The following UGGT2 variants were observed in gnomAD, a reference collection of about 807,000 sequenced individuals.
UGGT2 encodes UDP-glucose glycoprotein glucosyltransferase 2.
In UGGT2, 180 loss-of-function variants were observed where a neutral mutation model predicts 192.1. The observed-to-expected ratio is 0.94, with a 90% CI of 0.83 to 1.06. UGGT2 has a LOEUF of 1.06. Ranked by LOEUF, UGGT2 falls within the 50% of genes least tolerant of loss-of-function variation. UGGT2 has a pLI of 0.00. For synonymous variants in UGGT2, 580 were observed against 591.0 expected, an observed-to-expected ratio of 0.98 and a Z score of 0.27; for missense variants, 1,849 against 1,795.7, an observed-to-expected ratio of 1.03 and a Z score of -0.54.
chr13:96,001,543 C>T (rs1006850658), intron 5 of UGGT2, among the ~76,000 whole-genome samples: 7 of 152,102 alleles, frequency 4.6e-5, no homozygotes, highest in Non-Finnish European at 1.0e-4. Flanking sequence ...CACACGGACG[C>T]GCATGAAACT....
intron 8 of UGGT2, among the ~76,000 whole-genome samples, chr13:95,987,007 T>C (rs1264325208): frequency 2.6e-5 from 4 of 152,150 alleles, no homozygotes; most frequent in Admixed American, 2.6e-4. Flanking sequence ...CTTAGTATTA[T>C]TACTTTGTCA....
chr13:95,955,460 T>G (rs896274068), intron 12 of UGGT2, among the ~76,000 whole-genome samples: 7 of 152,168 alleles, frequency 4.6e-5, no homozygotes, highest in African/African-American at 1.7e-4. Flanking sequence ...GGTACCTGGG[T>G]GTAGGCTGTT....
chr13:95,919,982 T>C (rs893916424), intron 20 of UGGT2, among the ~76,000 whole-genome samples: 5 of 152,176 alleles, frequency 3.3e-5, no homozygotes, highest in Admixed American at 1.3e-4. Context: ...CAAGATGGCA[T>C]TGTACTGGTA....
In UGGT2 at chr13:95,960,442, A is replaced by C. The variant is rs371329131; in HGVS notation, c.1335+9670T>G. 4.6e-5 allele frequency among the ~76,000 whole-genome samples: 7 copies of C among 152,122 alleles called. No homozygotes were observed. In the South Asian group the frequency reaches 1.5e-3, roughly 32 times the overall value. On this transcript the variant is annotated intron_variant, in intron 12 of 38. Transcript: ENST00000376747. ...TATTGAAAAGCTTCAGCAGTGGACT[A>C]AATCAAGTAGAATCAAGAATCTCAG...
chr13:96,022,943 T>C (rs972025001), intron 4 of UGGT2, 97 bp downstream of exon 4: 1 of 727,726 alleles, frequency 1.4e-6, no homozygotes, highest in Non-Finnish European at 2.0e-6. Flanking sequence ...ATATACAATG[T>C]CTTAGAATAT....
rs1402787774 is a variant in UGGT2 at position 95,853,656 on chromosome 13, C to T, written c.4171G>A (p.Ala1391Thr). The stretch of plus-strand genomic sequence containing the variant: ...TTCTTGAGATCCACTACATATAAAG[C>T]ACTGCAAAAATGAATTACTTCTTGA... ...HLLRRKYHIS[A>T]LYVVDLKKFR... The change falls in exon 36 of 39, where the codon GCT becomes ACT. Residue 1391 changes from alanine to threonine, a missense_variant and splice_region_variant. Physicochemically the swap from Ala to Thr is moderately conservative, Grantham distance 58. Transcript: ENST00000376747. 9 of 1,547,244 alleles carry T rather than the reference C, an allele frequency of 5.8e-6. No individual in the cohort carries two copies. Among genetic ancestry groups the T allele is most frequent in the Non-Finnish European group, 7.8e-6 (9 of 1,155,914 alleles).
At chr13:95,928,186 C>G (rs1311936344) in intron 17 of UGGT2, among the ~76,000 whole-genome samples, 2 of 152,210 alleles carry the variant, frequency 1.3e-5, no homozygotes, top group African/African-American at 4.8e-5. Flanking sequence ...GGGTACACCT[C>G]CCAGACGGGG....
intron 27 of UGGT2, among the ~76,000 whole-genome samples, chr13:95,882,469 C>G (rs1181775597): frequency 1.3e-5 from 2 of 152,154 alleles, no homozygotes; most frequent in Admixed American, 1.3e-4. Flanking sequence ...ATCTAAAAAT[C>G]CTTTCTACTA....
intron 20 of UGGT2, among the ~76,000 whole-genome samples, chr13:95,915,655 G>A (rs914553076): frequency 4.6e-5 from 7 of 152,188 alleles, no homozygotes; most frequent in African/African-American, 9.7e-5. Context: ...CAGGGCTTCC[G>A]GGGGAGGGTG....
chr13:96,030,261 G>C (rs2052793519), intron 2 of UGGT2, among the ~76,000 whole-genome samples: 1 of 152,098 alleles, frequency 6.6e-6, no homozygotes, highest in Admixed American at 6.6e-5. Flanking sequence ...GTGTTTTCAT[G>C]TTATGCATGA....
intron 10 of UGGT2, among the ~76,000 whole-genome samples, chr13:95,977,385 G>A (rs1285137497): frequency 6.6e-6 from 1 of 152,166 alleles, no homozygotes; most frequent in Non-Finnish European, 1.5e-5. Flanking sequence ...CAGAAAGTGG[G>A]CGAAGGATAT....
intron 1 of UGGT2, among the ~76,000 whole-genome samples, chr13:96,040,871 T>C (rs1159593352): frequency 3.9e-5 from 6 of 152,106 alleles, no homozygotes; most frequent in Non-Finnish European, 5.9e-5. Flanking sequence ...ACAAGCAGTC[T>C]AAGGCTGGAA....
At chr13:95,924,392 G>GTTTTTTTTT (rs2048946851) in intron 20 of UGGT2, among the ~76,000 whole-genome samples, 1 of 43,452 alleles carries the variant, frequency 2.3e-5, no homozygotes, top group Non-Finnish European at 4.9e-5. Context: ...ATCCCAAACA[G>GTTTTTTTTT]CTTTTTTTTT....
At chr13:96,045,693 C>T (rs1419287460) in intron 1 of UGGT2, among the ~76,000 whole-genome samples, 12 of 152,220 alleles carry the variant, frequency 7.9e-5, no homozygotes, top group African/African-American at 1.2e-4. Context: ...ATACCAACAG[C>T]GACCAAACTG....
At chr13:95,986,491 C>T in intron 8 of UGGT2, 59 bp from the exon 9 acceptor site, 4 of 1,244,144 alleles carry the variant, frequency 3.2e-6, no homozygotes, top group Non-Finnish European at 4.5e-6. Flanking sequence ...ATAGACATTT[C>T]CATGAAATTG....
chr13:95,970,365 T>C, intron 11 of UGGT2, 103 bp from the exon 12 acceptor site: 2 of 1,038,784 alleles, frequency 1.9e-6, no homozygotes, highest in Non-Finnish European at 1.4e-6. Flanking sequence ...GATTTTTTGG[T>C]ATCTTCATTA....
chr13:95,912,786 C>T (rs1313420441), intron 20 of UGGT2, among the ~76,000 whole-genome samples: 1 of 152,162 alleles, frequency 6.6e-6, no homozygotes, highest in East Asian at 1.9e-4. Context: ...CCAAGACAAT[C>T]CTAAGCCAAA....
rs1891229070 is a variant in UGGT2 at position 95,871,628 on chromosome 13, GA to G, written c.3474-4206del. Among the ~76,000 whole-genome samples, 3 of 152,322 alleles carry G rather than the reference GA, an allele frequency of 2.0e-5. No homozygotes were observed. In the South Asian group the frequency reaches 6.2e-4, roughly 32 times the overall value. On this transcript the variant is annotated intron_variant, in intron 29 of 38. Coordinates refer to ENST00000376747, the MANE Select transcript of UGGT2 (RefSeq NM_020121.4). ...TGTTGCTCTAATCGAGGAGTCAGGA[GA>G]GTGCTTACTGCCTCTGCAACTGCTC...
chr13:96,035,069 C>A (rs1038016309), intron 1 of UGGT2, among the ~76,000 whole-genome samples: 3 of 152,168 alleles, frequency 2.0e-5, no homozygotes, highest in Non-Finnish European at 4.4e-5. Context: ...ACATTCTTCA[C>A]AGAATTAGAA....
Sources: allele counts gnomAD v4.1 joint callset (sites outside exome capture counted in the v4.1 genomes callset), GRCh38; gene constraint gnomAD v4.1.1; transcripts MANE v1.5; gene names NCBI Gene and HGNC (gene_info 2026-07-23, HGNC 2026-07-21).